RMC1: variants seen among roughly 807,000 people sequenced by gnomAD.
The protein encoded by RMC1 is regulator of MON1-CCZ1 complex.
RMC1 carries 44 observed loss-of-function variants against 95.5 expected under a neutral mutation model. That is an observed-to-expected ratio of 0.46 (90% CI 0.36 to 0.59). The LOEUF is 0.59. Among genes scored for constraint, RMC1 ranks in the 20% least tolerant of loss-of-function variants. The pLI is 0.00. For missense variants in RMC1, 705 were observed against 819.6 expected, an observed-to-expected ratio of 0.86 and a Z score of 1.71; for synonymous variants, 320 against 303.6, an observed-to-expected ratio of 1.05 and a Z score of -0.56.
intron 5 of RMC1, among the ~76,000 whole-genome samples, chr18:23,511,896 CAA>C (rs2057868138): frequency 6.6e-6 from 1 of 151,932 alleles, no homozygotes; most frequent in Admixed American, 6.6e-5. Context: ...CCAGTATCGC[CAA>C]ATTTCTTCTA....
At position 23,529,177 on chromosome 18, in the gene RMC1, A is replaced by G; in HGVS notation, c.1297-2A>G. On this transcript the variant is annotated splice_acceptor_variant, in intron 14 of 19. Coordinates refer to ENST00000269221, the MANE Select transcript of RMC1 (RefSeq NM_013326.5). LOFTEE classifies it high-confidence loss of function. Reference sequence around the variant, plus strand: ...TCATAGTTTGTGGTTTTTTTCTTTCAGGCGGTGGAAGCAGGGCAGAGCCGA... The same window carrying G: ...TCATAGTTTGTGGTTTTTTTCTTTCGGGCGGTGGAAGCAGGGCAGAGCCGA... 1 of 1,608,150 alleles carries G rather than the reference A, an allele frequency of 6.2e-7. No individual in the cohort carries two copies. The highest frequency in any genetic ancestry group is 8.5e-7 in the Non-Finnish European group (1 of 1,178,494).
intron 5 of RMC1, among the ~76,000 whole-genome samples, chr18:23,513,941 A>G (rs952042220): frequency 6.6e-6 from 1 of 152,198 alleles, no homozygotes; most frequent in Admixed American, 6.5e-5. Flanking sequence ...TAGAGATACA[A>G]TTTGCAAGTA....
At chr18:23,531,478 C>CAGAT (rs1229719825) in intron 19 of RMC1, 147 bp from the exon 20 acceptor site, 3 of 1,431,272 alleles carry the variant, frequency 2.1e-6, no homozygotes, top group South Asian at 1.5e-5. Context: ...TCTCTCAAAG[C>CAGAT]AGATAGGGTA....
At position 23,503,561 on chromosome 18, in the gene RMC1, AT is replaced by A; in HGVS notation, c.-57del. On this transcript the variant is annotated 5_prime_UTR_variant, in exon 1 of 20. Transcript: ENST00000269221. ...CAGTCCGGGCCGGGCTCCACCGCGC[AT>A]CCTGCTCCACTCTGGCGACCGCCCC... The A allele has an allele frequency of 7.5e-7, 1 of 1,329,956 alleles. No homozygotes were observed. Among genetic ancestry groups the A allele is most frequent in the South Asian group, 1.3e-5 (1 of 74,210 alleles). 82.4% of individuals were successfully genotyped at this position (1,329,956 alleles called of 1,614,324 possible).
chr18:23,521,005 A>G lies in RMC1; in HGVS notation c.961+692A>G, dbSNP rs948791891. 2.0e-5 allele frequency among the ~76,000 whole-genome samples: 3 copies of G among 152,188 alleles called. No homozygotes were observed. In the East Asian group the frequency reaches 5.8e-4, roughly 29 times the overall value. On this transcript the variant is annotated intron_variant, in intron 10 of 19. Coordinates refer to ENST00000269221, the MANE Select transcript of RMC1 (RefSeq NM_013326.5). The stretch of plus-strand genomic sequence containing the variant: ...AGTGGTGGGATTACAGGCATGAGCC[A>G]CCACGCCTGGCCCAAATTTTTATAT...
In RMC1 at chr18:23,503,616, G is replaced by C; in HGVS notation, c.-3G>C. 1 of 1,550,884 alleles carries C rather than the reference G, an allele frequency of 6.4e-7. No homozygotes were observed. The highest frequency in any genetic ancestry group is 8.7e-7 in the Non-Finnish European group (1 of 1,149,252). ...GGCCCCCGCCGCGGGCGCGGCGCCC[G>C]CCATGGGCGAGGAGGACTACTATCT... On this transcript the variant is annotated 5_prime_UTR_variant, in exon 1 of 20. Transcript: ENST00000269221.
intron 5 of RMC1, among the ~76,000 whole-genome samples, chr18:23,510,870 A>G (rs1278330749): frequency 2.0e-5 from 3 of 152,234 alleles, no homozygotes; most frequent in Non-Finnish European, 4.4e-5. Flanking sequence ...CTTATGCACT[A>G]TTGCTGGGAG....
chr18:23,516,410 G>A lies in RMC1; in HGVS notation c.640G>A (p.Ala214Thr), dbSNP rs368667300. Residue 214 changes from alanine to threonine, a missense_variant, in exon 7 of 20, where the codon GCA becomes ACA. Ala to Thr is a moderately conservative substitution (Grantham distance 58). Transcript: ENST00000269221. ...TKPSLSERDI[A>T]MATIYGQLYV... ...ACCCAGCCTTTCCGAAAGAGACATC[G>A]CAATGGCTACCATGTATGTCCGTGT... 4 of 1,614,060 alleles carry A rather than the reference G, an allele frequency of 2.5e-6. No individual in the cohort carries two copies. Among genetic ancestry groups the A allele is most frequent in the African/African-American group, 1.3e-5 (1 of 75,036 alleles).
At chr18:23,511,182 T>C (rs2057849159) in intron 5 of RMC1, among the ~76,000 whole-genome samples, 1 of 152,222 alleles carries the variant, frequency 6.6e-6, no homozygotes, top group Non-Finnish European at 1.5e-5. Context: ...TGTGGGAACA[T>C]GGATGGAGCT....
chr18:23,515,945 C>T lies in RMC1; in HGVS notation c.498C>T (p.Ile166=). The T allele has an allele frequency of 6.2e-7, 1 of 1,614,166 alleles. No homozygotes were observed. Among genetic ancestry groups the T allele is most frequent in the South Asian group, 1.1e-5 (1 of 91,078 alleles). ...TGTACTGCCCCGAGAGCGCCGTGAT[C>T]TTGCTGTCTACCACGGTCCTGGAGA... The part of the protein sequence containing the change: ...WYMYCPESAV[I]LLSTTVLENV... The change falls in exon 6 of 20, where the codon ATC becomes ATT. Residue 166 remains isoleucine, a synonymous_variant. Transcript: ENST00000269221.
intron 5 of RMC1, among the ~76,000 whole-genome samples, chr18:23,511,488 A>C (rs1247036249): frequency 2.0e-5 from 3 of 152,196 alleles, no homozygotes; most frequent in Non-Finnish European, 4.4e-5. Flanking sequence ...AAAACAAAAA[A>C]CATTCAAACA....
intron 1 of RMC1, 44 bp from the exon 2 acceptor site, chr18:23,504,318 GTTTAGATCC>G: frequency 6.5e-7 from 1 of 1,535,768 alleles, no homozygotes; most frequent in South Asian, 1.1e-5. Flanking sequence ...TGGCTTCTGA[GTTTAGATCC>G]TTTCAGAGTT....
Position 23,527,873 on chromosome 18 carries a change from A to G in RMC1, c.1268A>G (p.Tyr423Cys). 2 of 1,614,110 alleles carry G rather than the reference A, an allele frequency of 1.2e-6. No individual in the cohort carries two copies. Among genetic ancestry groups the G allele is most frequent in the East Asian group, 2.2e-5 (1 of 44,882 alleles). Residue 423 changes from tyrosine to cysteine, a missense_variant, in exon 14 of 20, where the codon TAC becomes TGC. Physicochemically the swap from Tyr to Cys is radical, Grantham distance 194. Coordinates refer to ENST00000269221, the MANE Select transcript of RMC1 (RefSeq NM_013326.5). ...AAACTCAACCATGAGTATAAAAAGT[A>G]CCTGGATGCCGAGCAGAGTTATGCG... ...FDKLNHEYKK[Y>C]LDAEQSYAMA... is the part of the protein sequence containing the mutation.
rs997025333 is a variant in RMC1, at chr18:23,531,771, TAAACTATA to T, written c.*71_*78del. On this transcript the variant is annotated 3_prime_UTR_variant, in exon 20 of 20. Transcript: ENST00000269221. The stretch of plus-strand genomic sequence containing the variant: ...AATTTATTGCATTAATAAAGCTCTT[TAAACTATA>T]AAATGTTATAAAGTGTATCTACAAC... 1 of 1,574,842 alleles carries T rather than the reference TAAACTATA, an allele frequency of 6.3e-7. No individual in the cohort carries two copies. The highest frequency in any genetic ancestry group is 1.4e-5 in the African/African-American group (1 of 72,718).
chr18:23,530,777 G>T (rs2058471876), intron 19 of RMC1, among the ~76,000 whole-genome samples, 165 bp downstream of exon 19: 1 of 152,160 alleles, frequency 6.6e-6, no homozygotes, highest in Non-Finnish European at 1.5e-5. Flanking sequence ...AGTGAATTCA[G>T]TATACTGACA....
chr18:23,515,247 G>A (rs1464217431), intron 5 of RMC1, among the ~76,000 whole-genome samples: 1 of 152,204 alleles, frequency 6.6e-6, no homozygotes, highest in Admixed American at 6.5e-5. Flanking sequence ...GGATTTTGGA[G>A]GGAAACAGCC....
chr18:23,523,842 G>C (rs2058216052), intron 10 of RMC1, among the ~76,000 whole-genome samples: 1 of 152,164 alleles, frequency 6.6e-6, no homozygotes, highest in Non-Finnish European at 1.5e-5. Context: ...ACGTGCATAT[G>C]TAAACGATCA....
intron 15 of RMC1, 78 bp from the exon 16 acceptor site, chr18:23,529,556 TG>T: frequency 1.5e-6 from 2 of 1,354,500 alleles, no homozygotes; most frequent in Non-Finnish European, 2.1e-6. Context: ...GGAAACAAGG[TG>T]GGGGTTGGAT....
chr18:23,529,600 T>A, intron 15 of RMC1, 35 bp from the exon 16 acceptor site: 1 of 1,564,320 alleles, frequency 6.4e-7, no homozygotes, highest in East Asian at 2.2e-5. Context: ...TTGCACCTCG[T>A]TGGTATTTGT....
Sources: allele counts gnomAD v4.1 joint callset (sites outside exome capture counted in the v4.1 genomes callset), GRCh38; gene constraint gnomAD v4.1.1; transcripts MANE v1.5; gene names NCBI Gene and HGNC (gene_info 2026-07-23, HGNC 2026-07-21).